The following DLG2 variants were observed in gnomAD, a reference collection of about 807,000 sequenced individuals.
The protein encoded by DLG2 is disks large homolog 2.
DLG2 carries 45 observed loss-of-function variants against 132.5 expected under a neutral mutation model. That is an observed-to-expected ratio of 0.34 (90% CI 0.27 to 0.44). DLG2 has a LOEUF of 0.44. Ranked by LOEUF, DLG2 falls within the 20% of genes least tolerant of loss-of-function variation. The probability of loss-of-function intolerance (pLI) is 1.00; values close to 1 mark genes in which losing one functional copy is unlikely to be tolerated. For synonymous variants in DLG2, 424 were observed against 419.6 expected, an observed-to-expected ratio of 1.01 and a Z score of -0.13; for missense variants, 1,045 against 1,196.9, an observed-to-expected ratio of 0.87 and a Z score of 1.87.
intron 3 of DLG2, among the ~76,000 whole-genome samples, chr11:85,387,565 T>C (rs1397365427): frequency 6.6e-6 from 1 of 152,212 alleles, no homozygotes; most frequent in African/African-American, 2.4e-5. Flanking sequence ...AGTGTATGTC[T>C]AGCAGCTGTG....
intron 6 of DLG2, among the ~76,000 whole-genome samples, chr11:84,705,675 C>A (rs79623203): frequency 5.3e-5 from 8 of 151,612 alleles, no homozygotes; most frequent in Non-Finnish European, 1.0e-4. Context: ...GGTGACCAAG[C>A]GATTCATTTA....
At chr11:85,581,528 G>T (rs2078521133) in intron 3 of DLG2, among the ~76,000 whole-genome samples, 1 of 152,112 alleles carries the variant, frequency 6.6e-6, no homozygotes. Flanking sequence ...TGAGGCAGGG[G>T]AATTGCTTGA....
chr11:84,880,601 G>T (rs777551839), intron 6 of DLG2, among the ~76,000 whole-genome samples: 1 of 152,080 alleles, frequency 6.6e-6, no homozygotes, highest in Non-Finnish European at 1.5e-5. Context: ...GAACAAATAA[G>T]CAGTATGATA....
chr11:84,189,592 C>T (rs2096361357), intron 8 of DLG2, among the ~76,000 whole-genome samples: 1 of 152,020 alleles, frequency 6.6e-6, no homozygotes, highest in Non-Finnish European at 1.5e-5. Context: ...CAGTGATAGA[C>T]TGGATAAAGA....
At chr11:84,331,495 T>G (rs1416085689) in intron 7 of DLG2, among the ~76,000 whole-genome samples, 1 of 150,906 alleles carries the variant, frequency 6.6e-6, no homozygotes, top group East Asian at 1.9e-4. Flanking sequence ...CAAATGAAAC[T>G]TCTACCTTTC....
chr11:83,497,769 A>G (rs1408747884), intron 21 of DLG2, among the ~76,000 whole-genome samples: 1 of 152,074 alleles, frequency 6.6e-6, no homozygotes. Flanking sequence ...AGCTCTATCT[A>G]TTGTCCACAA....
intron 3 of DLG2, among the ~76,000 whole-genome samples, chr11:85,468,284 T>G (rs2092868287): frequency 6.6e-6 from 1 of 152,228 alleles, no homozygotes; most frequent in African/African-American, 2.4e-5. Context: ...ATTGATTTTT[T>G]GAGGGGATTT....
chr11:84,166,963 A>C, intron 8 of DLG2: 1 of 533,372 alleles, frequency 1.9e-6, no homozygotes, highest in Non-Finnish European at 3.8e-6. Context: ...TACCTTGGTC[A>C]TATTTTATGC....
At chr11:83,466,599 A>G in intron 26 of DLG2, 109 bp downstream of exon 26, 1 of 597,736 alleles carries the variant, frequency 1.7e-6, no homozygotes, top group Non-Finnish European at 3.0e-6. Context: ...AAAATCAACA[A>G]TGGCATTTCC....
At chr11:84,906,236 TTTG>T (rs891077446) in intron 6 of DLG2, among the ~76,000 whole-genome samples, 3 of 122,502 alleles carry the variant, frequency 2.4e-5, no homozygotes, top group Non-Finnish European at 5.5e-5. Context: ...TTTTGGTTTT[TTTG>T]TTTTTTTTTT....
At chr11:85,396,736 T>C (rs188155011) in intron 3 of DLG2, among the ~76,000 whole-genome samples, 160 of 152,180 alleles carry the variant, frequency 1.1e-3, no homozygotes, top group Non-Finnish European at 2.0e-3. Flanking sequence ...GAAAAAAGAA[T>C]ACAAAGAAAT....
At chr11:84,016,858 G>C (rs1359292775) in intron 11 of DLG2, among the ~76,000 whole-genome samples, 1 of 152,090 alleles carries the variant, frequency 6.6e-6, no homozygotes, top group Non-Finnish European at 1.5e-5. Context: ...TAGAATCTGA[G>C]TCAAGGTTGC....
intron 19 of DLG2, among the ~76,000 whole-genome samples, chr11:83,571,272 A>C (rs1312524954): frequency 6.6e-6 from 1 of 152,096 alleles, no homozygotes; most frequent in East Asian, 1.9e-4. Context: ...CAATTTAACA[A>C]ATGTTTATTA....
At chr11:83,507,434 A>C (rs892461526) in intron 21 of DLG2, among the ~76,000 whole-genome samples, 1 of 146,570 alleles carries the variant, frequency 6.8e-6, no homozygotes, top group African/African-American at 2.5e-5. Flanking sequence ...TATATCCTAT[A>C]TATATATCTG....
intron 19 of DLG2, among the ~76,000 whole-genome samples, chr11:83,630,463 T>C (rs2063365717): frequency 6.6e-6 from 1 of 152,210 alleles, no homozygotes; most frequent in South Asian, 2.1e-4. Flanking sequence ...GCTTGCTTTC[T>C]GATTTAGGTT....
At chr11:84,145,097 G>T (rs2095026347) in intron 9 of DLG2, among the ~76,000 whole-genome samples, 1 of 152,070 alleles carries the variant, frequency 6.6e-6, no homozygotes, top group South Asian at 2.1e-4. Flanking sequence ...CCCACACCTT[G>T]TTTTTACAAA....
intron 19 of DLG2, among the ~76,000 whole-genome samples, chr11:83,551,958 A>G (rs2096401503): frequency 6.6e-6 from 1 of 152,214 alleles, no homozygotes; most frequent in Non-Finnish European, 1.5e-5. Flanking sequence ...GTAAGAAGGT[A>G]CATTCATTTG....
chr11:84,238,820 T>C (rs2097191582), intron 8 of DLG2, among the ~76,000 whole-genome samples: 1 of 152,114 alleles, frequency 6.6e-6, no homozygotes, highest in Admixed American at 6.5e-5. Flanking sequence ...GCCACTGTCT[T>C]CCCTGTCATC....
chr11:83,858,808 A>C (rs149429984), intron 16 of DLG2, among the ~76,000 whole-genome samples: 46 of 152,342 alleles, frequency 3.0e-4, no homozygotes, highest in African/African-American at 1.1e-3. Context: ...GGTGACAGGT[A>C]CTGATGTGGC....
Sources: allele counts gnomAD v4.1 joint callset (sites outside exome capture counted in the v4.1 genomes callset), GRCh38; gene constraint gnomAD v4.1.1; transcripts MANE v1.5; gene names NCBI Gene and HGNC (gene_info 2026-07-23, HGNC 2026-07-21).